Variants in SNAP91 observed in about 807,000 individuals in gnomAD.
The protein encoded by SNAP91 is synaptosome associated protein 91.
A neutral mutation model predicts 100.3 loss-of-function variants in SNAP91; 27 were observed. That is an observed-to-expected ratio of 0.27 (90% CI 0.20 to 0.37). SNAP91 has a LOEUF of 0.37. Ranked by LOEUF, SNAP91 falls within the 10% of genes least tolerant of loss-of-function variation. The pLI is 1.00. For synonymous variants in SNAP91, 404 were observed against 398.6 expected, an observed-to-expected ratio of 1.01 and a Z score of -0.16; for missense variants, 986 against 1,123.7, an observed-to-expected ratio of 0.88 and a Z score of 1.75.
chr6:83,627,163 A>G (rs2096967690), intron 8 of SNAP91, among the ~76,000 whole-genome samples: 1 of 152,036 alleles, frequency 6.6e-6, no homozygotes, highest in Non-Finnish European at 1.5e-5. Flanking sequence ...ATTGTTTTGC[A>G]TATGTTGAAC....
intron 17 of SNAP91, 72 bp from the exon 18 acceptor site, chr6:83,593,813 G>A: frequency 6.6e-7 from 1 of 1,504,686 alleles, no homozygotes; most frequent in Non-Finnish European, 8.8e-7. Context: ...TCATAACTAT[G>A]GCAAGAGACA....
intron 2 of SNAP91, among the ~76,000 whole-genome samples, chr6:83,687,524 C>T (rs556810677): frequency 6.6e-6 from 1 of 152,244 alleles, no homozygotes; most frequent in Non-Finnish European, 1.5e-5. Context: ...AAGCTCATCT[C>T]GGGCAGAGGC....
chr6:83,686,718 A>C (rs1473598905), intron 2 of SNAP91: 2 of 152,236 alleles, frequency 1.3e-5, no homozygotes, highest in Non-Finnish European at 2.9e-5. Context: ...GATTCAATGG[A>C]TGACACTAAA....
intron 2 of SNAP91, among the ~76,000 whole-genome samples, chr6:83,675,949 C>A (rs2098876858): frequency 6.6e-6 from 1 of 151,392 alleles, no homozygotes; most frequent in Non-Finnish European, 1.5e-5. Context: ...GAGTTCGAGA[C>A]CAGACTGGGC....
intron 8 of SNAP91, 129 bp downstream of exon 8, chr6:83,640,967 T>C (rs1293139588): frequency 9.8e-6 from 5 of 510,282 alleles, no homozygotes; most frequent in Non-Finnish European, 1.7e-5. Context: ...AACCTTAATA[T>C]ACTGTGACTC....
At chr6:83,630,525 T>C (rs1428142231) in intron 8 of SNAP91, among the ~76,000 whole-genome samples, 1 of 152,088 alleles carries the variant, frequency 6.6e-6, no homozygotes, top group Non-Finnish European at 1.5e-5. Flanking sequence ...TCAATCTCAC[T>C]GCTTGTCTGT....
intron 24 of SNAP91, among the ~76,000 whole-genome samples, chr6:83,577,421 T>C (rs562930529): frequency 6.6e-6 from 1 of 152,306 alleles, no homozygotes; most frequent in South Asian, 2.1e-4. Flanking sequence ...TATATGTATA[T>C]TAAATGATTA....
At chr6:83,566,818 C>T (rs539157380) in intron 26 of SNAP91, among the ~76,000 whole-genome samples, 1 of 152,302 alleles carries the variant, frequency 6.6e-6, no homozygotes, top group Middle Eastern at 3.4e-3. Flanking sequence ...AGATCAACAA[C>T]TAACCTCTAA....
rs373351558 is a variant in SNAP91 at position 83,646,751 on chromosome 6, T to C, written c.659-5549A>G. Among the ~76,000 whole-genome samples the C allele has an allele frequency of 1.2e-4, 19 of 152,314 alleles. No homozygotes were observed. The East Asian group carries it at 1.7e-3, about 14-fold the overall frequency. ...TTACTTGCTGAAATACTGAATACTATTGCAATGAATCTATAGATCATGTTG... is the reference window on the plus strand; with the variant it reads ...TTACTTGCTGAAATACTGAATACTACTGCAATGAATCTATAGATCATGTTG... On this transcript the variant is annotated intron_variant, in intron 7 of 29. Transcript: ENST00000369694.
At chr6:83,607,211 G>A (rs1356349541) in intron 13 of SNAP91, among the ~76,000 whole-genome samples, 1 of 152,048 alleles carries the variant, frequency 6.6e-6, no homozygotes, top group Non-Finnish European at 1.5e-5. Flanking sequence ...TCTCACTACT[G>A]TTCTGATCTG....
At chr6:83,568,046 G>A (rs1584342260) in intron 26 of SNAP91, among the ~76,000 whole-genome samples, 3 of 151,208 alleles carry the variant, frequency 2.0e-5, no homozygotes, top group South Asian at 2.1e-4. Flanking sequence ...ACATGCACAC[G>A]TATGTTTATT....
At chr6:83,697,307 C>G (rs1475695796) in intron 2 of SNAP91, among the ~76,000 whole-genome samples, 1 of 145,756 alleles carries the variant, frequency 6.9e-6, no homozygotes, top group Non-Finnish European at 1.5e-5. Context: ...CTGTATCCAA[C>G]TCTAAAGAAA....
chr6:83,575,983 A>G (rs1818052311), intron 25 of SNAP91, 40 bp downstream of exon 25: 1 of 1,178,288 alleles, frequency 8.5e-7, no homozygotes. Flanking sequence ...GAATACAAAT[A>G]TACCATCAAA....
chr6:83,591,349 A>G, intron 21 of SNAP91, 55 bp from the exon 22 acceptor site: 2 of 1,157,194 alleles, frequency 1.7e-6, no homozygotes, highest in South Asian at 1.2e-5. Flanking sequence ...AAGTAAGTAC[A>G]GTAAGTAATT....
At chr6:83,557,970 T>C (rs1483456030) in intron 28 of SNAP91, among the ~76,000 whole-genome samples, 1 of 151,848 alleles carries the variant, frequency 6.6e-6, no homozygotes, top group Non-Finnish European at 1.5e-5. Flanking sequence ...AAATATAATC[T>C]AAAAATTACA....
At chr6:83,592,362 A>G in intron 21 of SNAP91, 93 bp downstream of exon 21, 1 of 883,946 alleles carries the variant, frequency 1.1e-6, no homozygotes, top group Non-Finnish European at 1.7e-6. Context: ...TATATAGCCT[A>G]AAGAAAAAAT....
intron 28 of SNAP91, among the ~76,000 whole-genome samples, chr6:83,557,805 T>C (rs988566248): frequency 2.0e-5 from 3 of 152,106 alleles, no homozygotes; most frequent in Non-Finnish European, 4.4e-5. Context: ...CCATAATTGA[T>C]AATTAGGTGA....
At chr6:83,705,147 T>C (rs1034111017) in intron 2 of SNAP91, among the ~76,000 whole-genome samples, 2 of 152,172 alleles carry the variant, frequency 1.3e-5, no homozygotes, top group African/African-American at 4.8e-5. Flanking sequence ...CCAAATTCCA[T>C]CCAAAAGTTG....
chr6:83,611,302 C>T (rs2096057366), intron 11 of SNAP91: 1 of 313,618 alleles, frequency 3.2e-6, no homozygotes, highest in Non-Finnish European at 6.3e-6. Flanking sequence ...AAAAAAACAG[C>T]AACTTCGATG....
Sources: gnomAD v4.1 joint callset for allele counts (sites outside exome capture counted in the v4.1 genomes callset) on GRCh38, gnomAD v4.1.1 for gene constraint, MANE v1.5 for transcripts, NCBI Gene and HGNC (gene_info 2026-07-23, HGNC 2026-07-21) for gene names.